Variants in LMNTD1 observed in about 807,000 individuals in gnomAD.
LMNTD1 encodes the protein lamin tail domain containing 1.
In LMNTD1, 35 loss-of-function variants were observed where a neutral mutation model predicts 50.9. That is an observed-to-expected ratio of 0.69 (90% CI 0.53 to 0.91). LMNTD1 has a LOEUF of 0.91. Among genes scored for constraint, LMNTD1 ranks in the 40% least tolerant of loss-of-function variants. LMNTD1 has a pLI of 0.00. For synonymous variants in LMNTD1, 153 were observed against 161.9 expected, an observed-to-expected ratio of 0.94 and a Z score of 0.42; for missense variants, 470 against 475.5, an observed-to-expected ratio of 0.99 and a Z score of 0.11.
At chr12:25,628,376 A>C (rs1946642145) in intron 1 of LMNTD1, among the ~76,000 whole-genome samples, 2 of 152,130 alleles carry the variant, frequency 1.3e-5, no homozygotes, top group Non-Finnish European at 2.9e-5. Context: ...GCTCTATCTC[A>C]CACTAGCTAA....
chr12:25,606,129 CTGTT>C (rs1473012690), intron 1 of LMNTD1, among the ~76,000 whole-genome samples: 2 of 152,130 alleles, frequency 1.3e-5, no homozygotes, highest in East Asian at 1.9e-4. Context: ...ATTTGGCTCT[CTGTT>C]TGTCTGTTAT....
At chr12:25,541,627 A>C in intron 4 of LMNTD1, among the ~76,000 whole-genome samples, 1 of 112,524 alleles carries the variant, frequency 8.9e-6, no homozygotes, top group Non-Finnish European at 1.9e-5. Context: ...CCTAGAAGAA[A>C]ACCTAGGCAT....
At chr12:25,518,694 T>C (rs1010418272) in intron 8 of LMNTD1, 101 bp downstream of exon 8, 1 of 1,008,582 alleles carries the variant, frequency 9.9e-7, no homozygotes, top group Non-Finnish European at 1.5e-6. Context: ...ATATGAATCA[T>C]CTTTAACACT....
chr12:25,597,068 G>A (rs532281442), intron 1 of LMNTD1, among the ~76,000 whole-genome samples: 22 of 151,750 alleles, frequency 1.4e-4, no homozygotes, highest in East Asian at 3.9e-4. Flanking sequence ...ATGGATACAC[G>A]AAAAATAAAA....
intron 4 of LMNTD1, among the ~76,000 whole-genome samples, chr12:25,544,629 CTTTAT>C (rs1227766733): frequency 6.6e-6 from 1 of 151,490 alleles, no homozygotes; most frequent in Non-Finnish European, 1.5e-5. Flanking sequence ...TCCTTTTGTC[CTTTAT>C]TACTATATTC....
chr12:25,503,776 T>C lies in LMNTD1; in HGVS notation c.1214A>G (p.Glu405Gly). The C allele has an allele frequency of 6.3e-7, 1 of 1,586,686 alleles. No individual in the cohort carries two copies. The highest frequency in any genetic ancestry group is 1.4e-5 in the African/African-American group (1 of 73,762). Residue 405 changes from glutamate to glycine, a missense_variant, in exon 9 of 10, where the codon GAG (glutamate) becomes GGG (glycine). Coordinates refer to ENST00000458174, the MANE Select transcript of LMNTD1 (RefSeq NM_001145728.2). ...ASGSKKKKTS[E>G]SQKQ Reference sequence around the variant, plus strand: ...GTTGACTGCTTATTGCTTTTGTGACTCAGATGTCTTCTTTTTCTTAGACCC... The same window carrying C: ...GTTGACTGCTTATTGCTTTTGTGACCCAGATGTCTTCTTTTTCTTAGACCC...
At chr12:25,566,466 G>C (rs1257508646) in intron 1 of LMNTD1, among the ~76,000 whole-genome samples, 1 of 152,046 alleles carries the variant, frequency 6.6e-6, no homozygotes, top group Non-Finnish European at 1.5e-5. Context: ...TTTTCCTCTG[G>C]GTATGTACCC....
intron 1 of LMNTD1, among the ~76,000 whole-genome samples, chr12:25,563,313 A>G (rs1185305000): frequency 6.6e-6 from 1 of 152,214 alleles, no homozygotes; most frequent in Non-Finnish European, 1.5e-5. Context: ...TGACGTACAG[A>G]CAGGGTTTTG....
intron 4 of LMNTD1, among the ~76,000 whole-genome samples, chr12:25,534,961 C>A (rs189650006): frequency 9.2e-5 from 14 of 152,182 alleles, no homozygotes; most frequent in African/African-American, 3.1e-4. Flanking sequence ...AATATTCTAG[C>A]CCCCAAACAA....
At chr12:25,486,064 G>A (rs1405152888) in intron 9 of LMNTD1, among the ~76,000 whole-genome samples, 4 of 91,752 alleles carry the variant, frequency 4.4e-5, no homozygotes, top group African/African-American at 8.5e-5. Flanking sequence ...TAGCTTGATG[G>A]GGATGGCATT....
At chr12:25,591,218 ACTTTTCCCAAATGAATGGAGT>A (rs1384944103) in intron 1 of LMNTD1, among the ~76,000 whole-genome samples, 1 of 147,444 alleles carries the variant, frequency 6.8e-6, no homozygotes, top group Non-Finnish European at 1.5e-5. Context: ...TTCTTCCCTT[ACTTTTCCCAAATGAATGGAGT>A]CTCTCACTCT....
chr12:25,566,187 C>T (rs1361682620), intron 1 of LMNTD1, among the ~76,000 whole-genome samples: 1 of 152,122 alleles, frequency 6.6e-6, no homozygotes, highest in Non-Finnish European at 1.5e-5. Flanking sequence ...CTTTCTACCC[C>T]TCTCTCTTTC....
chr12:25,483,317 G>C (rs772618822), intron 9 of LMNTD1, among the ~76,000 whole-genome samples: 1 of 151,648 alleles, frequency 6.6e-6, no homozygotes, highest in Admixed American at 6.5e-5. Context: ...CCAGCTACTC[G>C]GGAGGCTGAG....
At chr12:25,627,832 G>A (rs532984460) in intron 1 of LMNTD1, among the ~76,000 whole-genome samples, 4 of 152,160 alleles carry the variant, frequency 2.6e-5, no homozygotes, top group Non-Finnish European at 4.4e-5. Flanking sequence ...AGGATGGGCC[G>A]GGCGCGGTGG....
At chr12:25,614,164 G>T (rs1158093520) in intron 1 of LMNTD1, among the ~76,000 whole-genome samples, 1 of 152,100 alleles carries the variant, frequency 6.6e-6, no homozygotes, top group Non-Finnish European at 1.5e-5. Flanking sequence ...ACTGAAGGGT[G>T]GGGTAAGCGA....
intron 6 of LMNTD1, 72 bp from the exon 7 acceptor site, chr12:25,520,147 T>TATATAG (rs1330299829): frequency 4.9e-5 from 7 of 143,252 alleles, no homozygotes; most frequent in Non-Finnish European, 9.3e-5. Flanking sequence ...GAGATATACA[T>TATATAG]ATATATATAT....
rs186436241 is a variant in LMNTD1, at chr12:25,587,587, A to G, written c.59-41033T>C. ...AGGACAGCACCAACCGGATGGTGCTAAACCATTCATGAGAAATCTGCCCCC... is the reference window on the plus strand; with the variant it reads ...AGGACAGCACCAACCGGATGGTGCTGAACCATTCATGAGAAATCTGCCCCC... On this transcript the variant is annotated intron_variant, in intron 1 of 7. Coordinates refer to the LMNTD1 transcript ENST00000445693. Among the ~76,000 whole-genome samples, 7 of 152,368 alleles carry G rather than the reference A, an allele frequency of 4.6e-5. No homozygotes were observed. In the East Asian group the frequency reaches 1.4e-3, roughly 29 times the overall value.
intron 8 of LMNTD1, among the ~76,000 whole-genome samples, chr12:25,511,101 C>T (rs187757188): frequency 6.6e-6 from 1 of 152,028 alleles, no homozygotes; most frequent in East Asian, 1.9e-4. Flanking sequence ...TGTGTGAAGG[C>T]CTGGAGGTAG....
chr12:25,610,169 G>A (rs950948562), intron 1 of LMNTD1, among the ~76,000 whole-genome samples: 14 of 152,184 alleles, frequency 9.2e-5, no homozygotes, highest in Admixed American at 3.3e-4. Flanking sequence ...ATTTCCTGGT[G>A]TGCCATTTGC....
Sources: allele counts gnomAD v4.1 joint callset (sites outside exome capture counted in the v4.1 genomes callset), GRCh38; gene constraint gnomAD v4.1.1; transcripts MANE v1.5; gene names NCBI Gene and HGNC (gene_info 2026-07-23, HGNC 2026-07-21).